The following KCNH1 variants were observed in gnomAD, a reference collection of about 807,000 sequenced individuals.
KCNH1 encodes the protein potassium voltage-gated channel subfamily H member 1, also known as voltage-gated delayed rectifier potassium channel KCNH1.
In KCNH1, 27 loss-of-function variants were observed where a neutral mutation model predicts 69.2. The ratio of observed to expected loss-of-function variants is 0.39; its 90% CI spans 0.29 to 0.54. The LOEUF (loss-of-function observed/expected upper bound fraction) is 0.54. Among genes scored for constraint, KCNH1 ranks in the 20% least tolerant of loss-of-function variants. The pLI, the probability that KCNH1 is intolerant of heterozygous loss-of-function variation, is 0.68. For synonymous variants in KCNH1, 456 were observed against 487.7 expected (o/e 0.93, Z 0.86); for missense variants, 798 against 1,261.6 (o/e 0.63, Z 5.57).
At chr1:210,907,763 G>A (rs1048860546) in intron 7 of KCNH1, among the ~76,000 whole-genome samples, 5 of 152,168 alleles carry the variant, frequency 3.3e-5, no homozygotes, top group Non-Finnish European at 1.5e-5. Context: ...CATAGCAATT[G>A]AGAAATGATG....
At chr1:210,723,268 T>G (rs1454583277) in intron 10 of KCNH1, among the ~76,000 whole-genome samples, 2 of 152,086 alleles carry the variant, frequency 1.3e-5, no homozygotes, top group East Asian at 3.9e-4. Context: ...AGAGTAAAAT[T>G]GGGCTTCTCT....
At chr1:210,871,873 AG>A (rs1686256174) in intron 7 of KCNH1, among the ~76,000 whole-genome samples, 1 of 120,348 alleles carries the variant, frequency 8.3e-6, no homozygotes, top group South Asian at 2.7e-4. Context: ...GGACACAGGA[AG>A]GGGAACATCA....
intron 9 of KCNH1, among the ~76,000 whole-genome samples, chr1:210,790,939 A>G (rs956350412): frequency 5.9e-5 from 9 of 152,156 alleles, no homozygotes; most frequent in Admixed American, 2.6e-4. Context: ...GCTGCCCCGC[A>G]GGGCTCTCAG....
chr1:210,927,948 A>G (rs1687606597), intron 6 of KCNH1, among the ~76,000 whole-genome samples: 2 of 152,186 alleles, frequency 1.3e-5, no homozygotes, highest in South Asian at 4.1e-4. Context: ...AAGAAACAGC[A>G]GCTAAAAAAA....
At chr1:210,715,090 A>G (rs1484411207) in intron 10 of KCNH1, among the ~76,000 whole-genome samples, 1 of 152,210 alleles carries the variant, frequency 6.6e-6, no homozygotes. Flanking sequence ...CTGCCTCAAT[A>G]GGGGGCCTGA....
At chr1:210,991,176 T>C (rs1688928693) in intron 6 of KCNH1, among the ~76,000 whole-genome samples, 1 of 152,212 alleles carries the variant, frequency 6.6e-6, no homozygotes, top group Admixed American at 6.5e-5. Flanking sequence ...GGCATTACTA[T>C]TCACAATAGG....
At chr1:210,745,853 T>C (rs574159199) in intron 10 of KCNH1, among the ~76,000 whole-genome samples, 1 of 152,234 alleles carries the variant, frequency 6.6e-6, no homozygotes, top group African/African-American at 2.4e-5. Flanking sequence ...GCAGCCCTCT[T>C]CTGGGAGAAG....
intron 7 of KCNH1, among the ~76,000 whole-genome samples, chr1:210,820,531 G>T (rs1003429772): frequency 1.3e-5 from 2 of 152,126 alleles, no homozygotes; most frequent in Admixed American, 1.3e-4. Flanking sequence ...CTTCTCAGGA[G>T]CATGAAGCAG....
At chr1:210,860,849 AGCAAGCCCTTG>A (rs1685962636) in intron 7 of KCNH1, 1 of 920,428 alleles carries the variant, frequency 1.1e-6, no homozygotes, top group Non-Finnish European at 1.8e-6. Flanking sequence ...TGAAGTACTC[AGCAAGCCCTTG>A]CTCTCATGTA....
At chr1:210,721,804 T>A (rs1281327699) in intron 10 of KCNH1, among the ~76,000 whole-genome samples, 1 of 81,192 alleles carries the variant, frequency 1.2e-5, no homozygotes, top group African/African-American at 1.1e-4. Flanking sequence ...ATAATAAAAA[T>A]AAATAAATAA....
At position 210,730,711 on chromosome 1, in the gene KCNH1, G is replaced by A. The variant is rs543753089; in HGVS notation, c.2112+44637C>T. On this transcript the variant is annotated intron_variant, in intron 10 of 10. Coordinates refer to ENST00000271751, the MANE Select transcript of KCNH1 (RefSeq NM_172362.3). Reference sequence around the variant, plus strand: ...AAGCAAAAGTGAATGTAAGCAGTCTGGATTCCCTACCTGGCCCTACGGAAA... The same window carrying A: ...AAGCAAAAGTGAATGTAAGCAGTCTAGATTCCCTACCTGGCCCTACGGAAA... Among the ~76,000 whole-genome samples the A allele has an allele frequency of 1.5e-4, 23 of 152,278 alleles. 1 individual carries two copies. The South Asian group carries it at 4.4e-3, about 29-fold the overall frequency.
At chr1:211,051,644 T>C (rs964076939) in intron 5 of KCNH1, among the ~76,000 whole-genome samples, 3 of 152,186 alleles carry the variant, frequency 2.0e-5, no homozygotes, top group Non-Finnish European at 4.4e-5. Flanking sequence ...GGAGTGCAGC[T>C]AGTTGAGGCT....
intron 2 of KCNH1, 134 bp downstream of exon 2, chr1:211,107,120 T>C (rs936546424): frequency 1.1e-6 from 1 of 913,852 alleles, no homozygotes. Flanking sequence ...GAACTAGAGA[T>C]GATATGGCAA....
intron 4 of KCNH1, among the ~76,000 whole-genome samples, chr1:211,084,061 C>G (rs1690908386): frequency 6.6e-6 from 1 of 152,158 alleles, no homozygotes; most frequent in African/African-American, 2.4e-5. Context: ...CACCCTGATG[C>G]CACAAAGCAG....
rs761654501 is a variant in KCNH1, at chr1:211,103,500, C to T, written c.306G>A (p.Lys102=). ...CAGAATGGTCTCAATACTCACTGTT[C>T]TTCTTGTACATCAGAATTTCAAAGG... The part of the protein sequence containing the change: ...MNSFEILMYK[K]NRTPVWFFVK... The change falls in exon 3 of 11, where the codon AAG becomes AAA. Residue 102 remains lysine (K), a synonymous_variant. Transcript: ENST00000271751. 1.9e-6 allele frequency: 3 copies of T among 1,597,302 alleles called. No homozygotes were observed. Among genetic ancestry groups the T allele is most frequent in the Non-Finnish European group, 2.6e-6 (3 of 1,165,818 alleles).
rs367619819 is a variant in KCNH1 at position 210,832,907 on chromosome 1, C to CAT, written c.1463-28743_1463-28742dup. Among the ~76,000 whole-genome samples, 123 of 110,638 alleles carry CAT rather than the reference C, an allele frequency of 1.1e-3. 3 individuals are homozygous for CAT. The highest frequency in any genetic ancestry group is 4.8e-3 in the Middle Eastern group (1 of 210). The allele number at this position is 110,638 out of a possible 152,430, so 72.6% of individuals were successfully genotyped here. ...AAACAGGTGTTGCATTTCTCAAATA[C>CAT]ATATATATATATATACATATAAATT... On this transcript the variant is annotated intron_variant, in intron 7 of 10. Coordinates refer to ENST00000271751, the MANE Select transcript of KCNH1 (RefSeq NM_172362.3).
At chr1:210,964,038 G>C (rs1246830995) in intron 6 of KCNH1, among the ~76,000 whole-genome samples, 1 of 152,200 alleles carries the variant, frequency 6.6e-6, no homozygotes, top group Non-Finnish European at 1.5e-5. Context: ...AGAGCATCCA[G>C]AGAGAAAGGT....
intron 6 of KCNH1, among the ~76,000 whole-genome samples, chr1:210,947,934 T>C (rs1479118445): frequency 1.3e-5 from 2 of 151,672 alleles, no homozygotes; most frequent in African/African-American, 2.4e-5. Context: ...TTGCCCTCCA[T>C]GGTGGCTGAT....
In KCNH1 at chr1:211,020,774, C is replaced by CA. The variant is rs1211996618; in HGVS notation, c.559-1519dup. On this transcript the variant is annotated intron_variant, in intron 5 of 10. Transcript: ENST00000271751. ...TAGCAAACTGAATCCAACAGAACAT[C>CA]AAAAAAAAGGTATACTCTATAATCA... Among the ~76,000 whole-genome samples the CA allele has an allele frequency of 9.3e-5, 14 of 150,284 alleles. No individual in the cohort carries two copies. In the South Asian group the frequency reaches 1.3e-3, roughly 13 times the overall value.
Sources: gnomAD v4.1 joint callset for allele counts (sites outside exome capture counted in the v4.1 genomes callset) on GRCh38, gnomAD v4.1.1 for gene constraint, MANE v1.5 for transcripts, NCBI Gene and HGNC (gene_info 2026-07-23, HGNC 2026-07-21) for gene names.